OR14I1: variants seen among roughly 807,000 people sequenced by gnomAD.
The protein encoded by OR14I1 is olfactory receptor family 14 subfamily I member 1, also known as olfactory receptor 14I1.
For missense variants in OR14I1, 279 were observed against 181.8 expected (o/e 1.53, Z -3.07); for synonymous variants, 118 against 71.1 (o/e 1.66, Z -3.32).
At chr1:248,693,121 C>T in the OR14I1 span, among the ~76,000 whole-genome samples, 2 of 152,146 alleles carry the variant, frequency 1.3e-5, no homozygotes, top group Admixed American at 1.3e-4. Flanking sequence ...TCAGTTAGTG[C>T]CACATAATCA....
downstream of OR14I1, among the ~76,000 whole-genome samples, chr1:248,678,417 A>T (rs774601826): frequency 2.8e-4 from 42 of 152,262 alleles, no homozygotes; most frequent in Non-Finnish European, 5.0e-4. Context: ...AATCATGTGC[A>T]ATGTTTTCTC....
chr1:248,690,600 C>CAAAAAAAAA, the OR14I1 span, among the ~76,000 whole-genome samples: 6 of 51,512 alleles, frequency 1.2e-4, no homozygotes, highest in East Asian at 6.5e-4. Context: ...GTCTACCAAC[C>CAAAAAAAAA]AAAAAAAAAA....
the OR14I1 span, among the ~76,000 whole-genome samples, chr1:248,696,837 A>G: frequency 5.9e-5 from 9 of 152,102 alleles, no homozygotes; most frequent in African/African-American, 1.9e-4. Context: ...TGAGCTCCAT[A>G]ATGGCAGGGA....
chr1:248,687,328 T>C (rs1187558563), upstream of OR14I1, among the ~76,000 whole-genome samples: 1 of 152,230 alleles, frequency 6.6e-6, no homozygotes, highest in Non-Finnish European at 1.5e-5. Context: ...GTTAAGTGCG[T>C]ATACTCAGTT....
chr1:248,690,290 C>G, the OR14I1 span, among the ~76,000 whole-genome samples: 12 of 152,010 alleles, frequency 7.9e-5, no homozygotes, highest in Non-Finnish European at 1.8e-4. Flanking sequence ...AAATCAGGAG[C>G]TGGTTTTTTG....
the OR14I1 span, among the ~76,000 whole-genome samples, chr1:248,701,022 A>G: frequency 5.6e-3 from 853 of 152,378 alleles, 7 homozygotes; most frequent in African/African-American, 0.02. Flanking sequence ...CGTTGATGCT[A>G]CATTTCACAC....
At chr1:248,695,530 G>A in the OR14I1 span, among the ~76,000 whole-genome samples, 1 of 152,104 alleles carries the variant, frequency 6.6e-6, no homozygotes, top group Non-Finnish European at 1.5e-5. Flanking sequence ...ACTGCGCCCG[G>A]CCGAATCTAT....
chr1:248,699,799 C>T, the OR14I1 span, among the ~76,000 whole-genome samples: 1 of 152,194 alleles, frequency 6.6e-6, no homozygotes, highest in South Asian at 2.1e-4. Flanking sequence ...CGCTCTATCG[C>T]CCAGGCTGGA....
At chr1:248,697,640 C>T in the OR14I1 span, among the ~76,000 whole-genome samples, 2 of 151,886 alleles carry the variant, frequency 1.3e-5, no homozygotes, top group Admixed American at 6.6e-5. Context: ...CAAAATTGGC[C>T]GGAGTGGTGG....
exon 1 of OR14I1, chr1:248,682,265 C>T (rs1661582059): frequency 1.3e-6 from 1 of 763,012 alleles, no homozygotes. Context: ...CCAGAAAACT[C>T]CATCAGCAGG....
the OR14I1 span, among the ~76,000 whole-genome samples, chr1:248,691,063 T>C: frequency 6.6e-6 from 1 of 152,214 alleles, no homozygotes; most frequent in African/African-American, 2.4e-5. Flanking sequence ...TAGGTAGATA[T>C]CACATTTTCT....
At chr1:248,683,958 G>A (rs562323876), upstream of OR14I1, among the ~76,000 whole-genome samples, 17 of 152,214 alleles carry the variant, frequency 1.1e-4, no homozygotes, top group South Asian at 2.1e-4. Context: ...CTTGAACCTG[G>A]GAGGTGGAGG....
the OR14I1 span, among the ~76,000 whole-genome samples, chr1:248,701,090 A>T: frequency 0.08 from 12,125 of 152,322 alleles, 1,590 homozygotes; most frequent in African/African-American, 0.27. Flanking sequence ...CTTGGTAAAA[A>T]GATATGACAC....
the OR14I1 span, among the ~76,000 whole-genome samples, chr1:248,696,723 C>G: frequency 1.3e-5 from 2 of 152,176 alleles, no homozygotes; most frequent in African/African-American, 4.8e-5. Flanking sequence ...TTATCCCTAC[C>G]CTGCACATCC....
the OR14I1 span, among the ~76,000 whole-genome samples, chr1:248,701,541 A>G: frequency 6.6e-6 from 1 of 152,068 alleles, no homozygotes; most frequent in Non-Finnish European, 1.5e-5. Flanking sequence ...ACATTAAAAC[A>G]CTCTTGGTAT....
At chr1:248,701,439 C>T in the OR14I1 span, among the ~76,000 whole-genome samples, 1 of 152,184 alleles carries the variant, frequency 6.6e-6, no homozygotes, top group Non-Finnish European at 1.5e-5. Flanking sequence ...CAGGCGTGAG[C>T]CACTGCACAT....
chr1:248,685,138 C>T (rs1243987316), upstream of OR14I1, among the ~76,000 whole-genome samples: 1 of 150,950 alleles, frequency 6.6e-6, no homozygotes, highest in African/African-American at 2.4e-5. Context: ...CTCTTTTTTC[C>T]ACTGTTTTCT....
At chr1:248,701,362 C>T in the OR14I1 span, among the ~76,000 whole-genome samples, 385 of 148,940 alleles carry the variant, frequency 2.6e-3, 2 homozygotes, top group Non-Finnish European at 1.8e-3. Context: ...CCATGTTGGC[C>T]ATGCTGGTCT....
At chr1:248,687,870 T>C in the OR14I1 span, among the ~76,000 whole-genome samples, 1 of 152,228 alleles carries the variant, frequency 6.6e-6, no homozygotes, top group Non-Finnish European at 1.5e-5. Context: ...CAGATATAGA[T>C]AGACATGTAA....
Sources: allele counts gnomAD v4.1 joint callset (sites outside exome capture counted in the v4.1 genomes callset), GRCh38; gene constraint gnomAD v4.1.1; transcripts MANE v1.5; gene names NCBI Gene and HGNC (gene_info 2026-07-23, HGNC 2026-07-21).